PRICKLE2: variants seen among roughly 807,000 people sequenced by gnomAD.
PRICKLE2 encodes prickle planar cell polarity protein 2.
Under a neutral mutation model 81.4 loss-of-function variants are expected in PRICKLE2, and 21 were observed. The ratio of observed to expected loss-of-function variants is 0.26; its 90% CI spans 0.18 to 0.37. The LOEUF is 0.37. Among genes scored for constraint, PRICKLE2 ranks in the 10% least tolerant of loss-of-function variants. PRICKLE2 has a pLI of 1.00. For missense variants in PRICKLE2, 940 were observed against 1,109.0 expected, an observed-to-expected ratio of 0.85 and a Z score of 2.16; for synonymous variants, 456 against 421.5, an observed-to-expected ratio of 1.08 and a Z score of -1.00.
At chr3:64,236,616 T>G (rs1002378179) in intron 2 of PRICKLE2, among the ~76,000 whole-genome samples, 14 of 152,218 alleles carry the variant, frequency 9.2e-5, no homozygotes, top group African/African-American at 3.1e-4. Flanking sequence ...ATAAATAACT[T>G]GCTCTAAATA....
intron 2 of PRICKLE2, 157 bp downstream of exon 2, chr3:64,198,627 A>C: frequency 2.7e-6 from 2 of 750,956 alleles, no homozygotes; most frequent in Admixed American, 2.0e-5. Flanking sequence ...TCCCTTCCTC[A>C]TTTTCCACTG....
chr3:64,188,897 G>C (rs1469429499), intron 2 of PRICKLE2, among the ~76,000 whole-genome samples: 1 of 152,102 alleles, frequency 6.6e-6, no homozygotes, highest in Non-Finnish European at 1.5e-5. Context: ...TCAACTCCTT[G>C]CTCCAGATCA....
intron 2 of PRICKLE2, among the ~76,000 whole-genome samples, chr3:64,197,615 A>G (rs2078481309): frequency 6.6e-6 from 1 of 152,184 alleles, no homozygotes; most frequent in Non-Finnish European, 1.5e-5. Flanking sequence ...AAAACCAAAT[A>G]CTGCATGTTC....
chr3:64,209,144 T>A (rs114830942), intron 1 of PRICKLE2, among the ~76,000 whole-genome samples: 1 of 151,284 alleles, frequency 6.6e-6, no homozygotes, highest in Non-Finnish European at 1.5e-5. Context: ...TACATACACA[T>A]CTATCCACCT....
chr3:64,227,235 C>T (rs2079043910), upstream of PRICKLE2, among the ~76,000 whole-genome samples: 1 of 152,238 alleles, frequency 6.6e-6, no homozygotes, highest in Admixed American at 6.5e-5. Context: ...CTTCAGTTTC[C>T]ATCACACAGA....
rs1216042676 is a variant in PRICKLE2 at position 64,094,398 on chromosome 3, A to T, written c.*4653T>A. The T allele has an allele frequency of 6.6e-6, 1 of 152,222 alleles. No homozygotes were observed. The highest frequency in any genetic ancestry group is 1.5e-5 in the Non-Finnish European group (1 of 68,044). The allele number at this position is 152,222 out of a possible 1,614,324, so 9.4% of individuals were successfully genotyped here. On this transcript the variant is annotated 3_prime_UTR_variant, in exon 8 of 8. Transcript: ENST00000638394. The stretch of plus-strand genomic sequence containing the variant: ...ATATCAATGGCCAAATGCCAAGCAG[A>T]GTGAAGGGATATCTCAGAGAACTCT...
At chr3:64,182,498 A>C (rs1249698128) in intron 2 of PRICKLE2, 3 of 105,174 alleles carry the variant, frequency 2.9e-5, no homozygotes, top group Non-Finnish European at 4.3e-5. Context: ...TTGTCTCAGA[A>C]AGAAAAAAAA....
Position 64,099,709 on chromosome 3 carries a change from T to G in PRICKLE2, c.1877A>C (p.Asn626Thr), listed in dbSNP as rs753318845. 6.2e-7 allele frequency: 1 copy of G among 1,614,132 alleles called. No individual in the cohort carries two copies. The highest frequency in any genetic ancestry group is 8.5e-7 in the Non-Finnish European group (1 of 1,180,032). Residue 626 changes from asparagine to threonine, a missense_variant, in exon 8 of 8, where the codon AAC becomes ACC. By Grantham distance (65) the Asn-to-Thr change is moderately conservative (BLOSUM62 0). Around this residue, in one of 2 missense-constraint regions of PRICKLE2, gnomAD observed 670 missense variants for 717.2 expected, o/e 0.93. Transcript: ENST00000638394. This position sits in a 1 kb window ranked among gnomAD's most constrained non-coding sequence, Gnocchi z 4.3. ...CTGCAGGTCTCTGTAGCCAATGGGG[T>G]TGCTGAGCTGGTGGAGGTTTCCCTC... ...EMEGNLHQLS[N>T]PIGYRDLQSH...
chr3:64,250,445 G>C (rs1406150350), intron 2 of PRICKLE2, among the ~76,000 whole-genome samples: 2 of 152,176 alleles, frequency 1.3e-5, no homozygotes, highest in African/African-American at 4.8e-5. Flanking sequence ...TGTTGCAGAG[G>C]CCAGGTTTAC....
intron 1 of PRICKLE2, among the ~76,000 whole-genome samples, chr3:64,224,242 G>A (rs2078999073): frequency 6.6e-6 from 1 of 152,126 alleles, no homozygotes; most frequent in African/African-American, 2.4e-5. Flanking sequence ...AAAACCATGG[G>A]ATTAAAAATC....
chr3:64,118,245 G>C (rs532666950), intron 7 of PRICKLE2, among the ~76,000 whole-genome samples: 9 of 152,230 alleles, frequency 5.9e-5, no homozygotes, highest in African/African-American at 2.2e-4. Context: ...TAAAAACCTT[G>C]AAGAAAACCT....
At chr3:64,117,387 A>G (rs2076953059) in intron 7 of PRICKLE2, among the ~76,000 whole-genome samples, 1 of 152,200 alleles carries the variant, frequency 6.6e-6, no homozygotes, top group Admixed American at 6.5e-5. Context: ...AGGCACTCCA[A>G]ATAGGAAGAG....
chr3:64,103,679 T>C (rs1312646704), intron 7 of PRICKLE2, among the ~76,000 whole-genome samples: 1 of 152,044 alleles, frequency 6.6e-6, no homozygotes, highest in African/African-American at 2.4e-5. Context: ...TAAAATGGAG[T>C]AAAAGTAAAG....
intron 2 of PRICKLE2, among the ~76,000 whole-genome samples, chr3:64,182,118 T>C (rs774707824): frequency 6.6e-6 from 1 of 152,116 alleles, no homozygotes; most frequent in East Asian, 1.9e-4. Flanking sequence ...TGGAAACTTA[T>C]TCCCCAATGC....
chr3:64,121,818 G>A (rs1169641965), intron 7 of PRICKLE2, among the ~76,000 whole-genome samples: 3 of 152,090 alleles, frequency 2.0e-5, no homozygotes, highest in Non-Finnish European at 4.4e-5. Context: ...TGCTATAAAC[G>A]GTGCTTTCCA....
At chr3:64,244,174 T>G (rs1221777764) in intron 2 of PRICKLE2, among the ~76,000 whole-genome samples, 1 of 152,218 alleles carries the variant, frequency 6.6e-6, no homozygotes, top group Non-Finnish European at 1.5e-5. Flanking sequence ...TATTTTGGCC[T>G]TGATATTCTG....
intron 7 of PRICKLE2, among the ~76,000 whole-genome samples, chr3:64,124,441 G>C (rs2077076427): frequency 6.6e-6 from 1 of 152,190 alleles, no homozygotes; most frequent in African/African-American, 2.4e-5. Flanking sequence ...TTTCAATGTA[G>C]GTGAAACAGT....
chr3:64,190,761 G>T (rs2078318613), intron 2 of PRICKLE2, among the ~76,000 whole-genome samples: 1 of 152,164 alleles, frequency 6.6e-6, no homozygotes, highest in African/African-American at 2.4e-5. Flanking sequence ...CCAAATCAAG[G>T]AGCCTCTGCT....
At chr3:64,225,847 T>A (rs1429180347), upstream of PRICKLE2, among the ~76,000 whole-genome samples, 3 of 152,112 alleles carry the variant, frequency 2.0e-5, no homozygotes, top group South Asian at 2.1e-4. Context: ...ACTCTTTTTT[T>A]AATTAAATGC....
Sources: gnomAD v4.1 joint callset for allele counts (sites outside exome capture counted in the v4.1 genomes callset) on GRCh38, gnomAD v4.1.1 for gene constraint, gnomAD v4.1.1 regional missense constraint, Gnocchi (gnomAD v3.1) non-coding constraint, MANE v1.5 for transcripts, NCBI Gene and HGNC (gene_info 2026-07-23, HGNC 2026-07-21) for gene names.